Variants in MCTP1 observed in about 807,000 individuals in gnomAD.
MCTP1 encodes multiple C2 and transmembrane domain containing 1.
Under a neutral mutation model 120.6 loss-of-function variants are expected in MCTP1, and 69 were observed. That is an observed-to-expected ratio of 0.57 (90% confidence interval 0.47 to 0.70). The LOEUF (loss-of-function observed/expected upper bound fraction) is 0.70. MCTP1 is among the 30% of genes least tolerant of loss of function. The pLI, the probability that MCTP1 is intolerant of heterozygous loss-of-function variation, is 0.00. For synonymous variants in MCTP1, 529 were observed against 493.1 expected, an observed-to-expected ratio of 1.07 and a Z score of -0.96; for missense variants, 1,203 against 1,248.8, an observed-to-expected ratio of 0.96 and a Z score of 0.55.
chr5:95,283,655 A>G (rs1339908138), intron 1 of MCTP1, among the ~76,000 whole-genome samples: 2 of 152,368 alleles, frequency 1.3e-5, no homozygotes, highest in East Asian at 3.9e-4. Context: ...CCAAAAGTAA[A>G]GTCCGGGTGC....
chr5:94,929,515 A>T (rs1331223377), intron 6 of MCTP1: 3 of 451,406 alleles, frequency 6.6e-6, no homozygotes, highest in Non-Finnish European at 8.8e-6. Context: ...AAAAACGAAA[A>T]ATCTGTACTC....
rs536420141 is a variant in MCTP1, at chr5:95,231,684, A to C, written c.720+52172T>G. 1.5e-4 allele frequency among the ~76,000 whole-genome samples: 23 copies of C among 152,342 alleles called. 1 individual carries two copies. In the South Asian group the frequency reaches 4.8e-3, roughly 32 times the overall value. ...ATGAAGAGTACCAGAAATGATAACT[A>C]TACTGGTAAATAGATAAGATCATGT... is the stretch of plus-strand genomic sequence containing the variant. On this transcript the variant is annotated intron_variant, in intron 1 of 22. Coordinates refer to ENST00000515393, the MANE Select transcript of MCTP1 (RefSeq NM_024717.7).
At position 95,283,989 on chromosome 5, in the gene MCTP1, T is replaced by C. The variant is rs1229842735; in HGVS notation, c.587A>G (p.Gln196Arg). ...GGTGCCCGGCAGAGAGGAGCTCTTCTGGTGGCACAAGTGCGCCCCGGGGCC... is the reference window on the plus strand; with the variant it reads ...GGTGCCCGGCAGAGAGGAGCTCTTCCGGTGGCACAAGTGCGCCCCGGGGCC... ...RQGPGAHLCHQKSSSLPGTAC... is the reference protein window; with the variant it reads ...RQGPGAHLCHRKSSSLPGTAC... The change falls in exon 1 of 23, where the codon CAG becomes CGG. Residue 196 changes from glutamine to arginine, a missense_variant. Physicochemically the swap from Gln to Arg is conservative, Grantham distance 43. Around this residue, in one of 2 missense-constraint regions of MCTP1, gnomAD observed 463 missense variants for 377.8 expected, o/e 1.23. Coordinates refer to ENST00000515393, the MANE Select transcript of MCTP1 (RefSeq NM_024717.7). 2 of 1,464,978 alleles carry C rather than the reference T, an allele frequency of 1.4e-6. No homozygotes were observed. Among genetic ancestry groups the C allele is most frequent in the South Asian group, 1.4e-5 (1 of 69,708 alleles). The allele number at this position is 1,464,978 out of a possible 1,614,324, so 90.7% of individuals were successfully genotyped here.
chr5:94,771,678 A>G (rs1456939762), intron 19 of MCTP1, among the ~76,000 whole-genome samples: 1 of 152,184 alleles, frequency 6.6e-6, no homozygotes, highest in Non-Finnish European at 1.5e-5. Flanking sequence ...AGTGGGATGA[A>G]GTTAATAATG....
At chr5:95,153,625 G>A (rs573543273) in intron 1 of MCTP1, among the ~76,000 whole-genome samples, 2 of 152,210 alleles carry the variant, frequency 1.3e-5, no homozygotes, top group African/African-American at 4.8e-5. Flanking sequence ...AGACATTAAA[G>A]TTTGCATAGA....
intron 1 of MCTP1, among the ~76,000 whole-genome samples, chr5:95,103,098 GTTA>G (rs760101778): frequency 7.9e-5 from 12 of 151,520 alleles, no homozygotes; most frequent in East Asian, 1.9e-4. Flanking sequence ...AACAAAGACT[GTTA>G]TTATTGTTTT....
intron 17 of MCTP1, among the ~76,000 whole-genome samples, chr5:94,844,864 T>C (rs1255571053): frequency 1.3e-5 from 2 of 152,216 alleles, no homozygotes; most frequent in East Asian, 3.8e-4. Context: ...TTTATTCTGT[T>C]TTTCCTTTTC....
chr5:94,885,633 G>A (rs1462667416), intron 12 of MCTP1, among the ~76,000 whole-genome samples: 1 of 143,034 alleles, frequency 7.0e-6, no homozygotes, highest in Non-Finnish European at 1.5e-5. Flanking sequence ...CTCACAACGT[G>A]TAGAGTTTTA....
At chr5:95,066,634 T>A (rs971153892) in intron 1 of MCTP1, among the ~76,000 whole-genome samples, 10 of 152,160 alleles carry the variant, frequency 6.6e-5, no homozygotes, top group African/African-American at 2.4e-4. Flanking sequence ...TTAATATATA[T>A]ACATACATAA....
chr5:95,076,750 T>C (rs1381396716), intron 1 of MCTP1, among the ~76,000 whole-genome samples: 1 of 152,226 alleles, frequency 6.6e-6, no homozygotes, highest in African/African-American at 2.4e-5. Flanking sequence ...CGTGAAAATA[T>C]GCTATTTTGT....
In MCTP1 at chr5:94,774,853, C is replaced by T. The variant is rs538800480; in HGVS notation, c.2610+4257G>A. On this transcript the variant is annotated intron_variant, in intron 19 of 22. Transcript: ENST00000515393. ...TCCAAAGCCTTAATCTTTTTCCCCA[C>T]GGTGCAGTTATTTCATTGAATATAA... Among the ~76,000 whole-genome samples, 32 of 152,308 alleles carry T rather than the reference C, an allele frequency of 2.1e-4. 1 individual carries two copies. The highest frequency in any genetic ancestry group is 5.5e-4 in the African/African-American group (23 of 41,582).
intron 17 of MCTP1, among the ~76,000 whole-genome samples, chr5:94,844,175 T>C (rs1333715385): frequency 6.6e-6 from 1 of 151,550 alleles, no homozygotes; most frequent in Non-Finnish European, 1.5e-5. Flanking sequence ...TAGTGGCGGA[T>C]GCCTGTAATC....
At chr5:95,229,774 G>C (rs547312754) in intron 1 of MCTP1, among the ~76,000 whole-genome samples, 1 of 152,194 alleles carries the variant, frequency 6.6e-6, no homozygotes, top group South Asian at 2.1e-4. Context: ...CACAGTAAGA[G>C]GGAGATGACC....
chr5:95,120,537 A>G (rs995636444), intron 1 of MCTP1, among the ~76,000 whole-genome samples: 1 of 152,196 alleles, frequency 6.6e-6, no homozygotes, highest in Non-Finnish European at 1.5e-5. Flanking sequence ...CACATATGCA[A>G]ATCAAACAAT....
chr5:95,158,766 A>G (rs939670395), intron 1 of MCTP1, among the ~76,000 whole-genome samples: 2 of 120,522 alleles, frequency 1.7e-5, no homozygotes, highest in Non-Finnish European at 3.8e-5. Context: ...TCTCTACAAA[A>G]AATACCAAAA....
intron 18 of MCTP1, among the ~76,000 whole-genome samples, chr5:94,784,195 A>G (rs1040647208): frequency 5.9e-5 from 9 of 152,074 alleles, no homozygotes; most frequent in African/African-American, 2.2e-4. Flanking sequence ...CTAAATGCCT[A>G]TTTCTACCCT....
intron 8 of MCTP1, among the ~76,000 whole-genome samples, chr5:94,916,487 A>T (rs1810092279): frequency 6.6e-6 from 1 of 152,184 alleles, no homozygotes; most frequent in African/African-American, 2.4e-5. Flanking sequence ...TACACTCCAT[A>T]AACAATGAAG....
chr5:95,190,691 G>A (rs1190551247), intron 1 of MCTP1, among the ~76,000 whole-genome samples: 3 of 151,588 alleles, frequency 2.0e-5, no homozygotes, highest in African/African-American at 7.3e-5. Flanking sequence ...CTATCTTCCT[G>A]ACAATGCTAT....
chr5:94,993,901 T>A (rs976279373), intron 2 of MCTP1, among the ~76,000 whole-genome samples: 1 of 152,198 alleles, frequency 6.6e-6, no homozygotes, highest in African/African-American at 2.4e-5. Context: ...TTCAGACACA[T>A]GCTCAATAAC....
Sources: allele counts gnomAD v4.1 joint callset (sites outside exome capture counted in the v4.1 genomes callset), GRCh38; gene constraint gnomAD v4.1.1; regional missense constraint gnomAD v4.1.1; transcripts MANE v1.5; gene names NCBI Gene and HGNC (gene_info 2026-07-23, HGNC 2026-07-21).